MMEL1: variants seen among roughly 807,000 people sequenced by gnomAD.
MMEL1 encodes the protein membrane metalloendopeptidase like 1.
A neutral mutation model predicts 117.1 loss-of-function variants in MMEL1; 98 were observed. That is an observed-to-expected ratio of 0.84 (90% confidence interval 0.71 to 0.99). The LOEUF is 0.99. Among genes scored for constraint, MMEL1 ranks in the 50% least tolerant of loss-of-function variants. The pLI, the probability that MMEL1 is intolerant of heterozygous loss-of-function variation, is 0.00. For missense variants in MMEL1, 1,014 were observed against 1,049.1 expected, an observed-to-expected ratio of 0.97 and a Z score of 0.46; for synonymous variants, 390 against 415.1, an observed-to-expected ratio of 0.94 and a Z score of 0.74.
At chr1:2,622,185 T>C (rs3890745) in intron 2 of MMEL1, among the ~76,000 whole-genome samples, 61,263 of 152,100 alleles carry the variant, frequency 0.4, 13,178 homozygotes, top group African/African-American at 0.54. Flanking sequence ...GAGGGCCCAA[T>C]GTCTGGATTT....
chr1:2,604,406 A>G, intron 9 of MMEL1, 125 bp from the exon 10 acceptor site: 1 of 1,342,574 alleles, frequency 7.4e-7, no homozygotes, highest in East Asian at 2.4e-5. Context: ...ACCCACCTTG[A>G]CCAGCAGGCT....
chr1:2,629,405 C>A lies in MMEL1; in HGVS notation c.80G>T (p.Gly27Val), dbSNP rs1451564955. 8 of 1,546,524 alleles carry A rather than the reference C, an allele frequency of 5.2e-6. No individual in the cohort carries two copies. The South Asian group carries it at 8.3e-5, about 16-fold the overall frequency. The change falls in exon 2 of 24, where the codon GGG becomes GTG. Residue 27 changes from glycine (G) to valine (V), a missense_variant. By Grantham distance (109) the Gly-to-Val change is moderately radical. Transcript: ENST00000378412. ...CAGCAGCAGCAGCAGCAGCAGCCCC[C>A]CCTCCAGGAACCCCGGGCGCTTCTG... is the stretch of plus-strand genomic sequence containing the variant. Reference protein sequence around the residue: ...AGQKRPGFLEGGLLLLLLLVT... With the variant: ...AGQKRPGFLEVGLLLLLLLVT...
At chr1:2,611,057 G>A (rs938117587) in intron 4 of MMEL1, among the ~76,000 whole-genome samples, 4 of 152,260 alleles carry the variant, frequency 2.6e-5, no homozygotes, top group African/African-American at 9.6e-5. Flanking sequence ...TGTTGCTGCA[G>A]GGCCTGGCTG....
intron 22 of MMEL1, 63 bp downstream of exon 22, chr1:2,591,868 AG>A: frequency 6.7e-6 from 10 of 1,495,610 alleles, no homozygotes; most frequent in Non-Finnish European, 8.4e-6. Context: ...GGTGCCCCAG[AG>A]TGGGCCCTCC....
chr1:2,617,883 T>C lies in MMEL1; in HGVS notation c.155-5679A>G, dbSNP rs533014282. On this transcript the variant is annotated intron_variant, in intron 2 of 23. Coordinates refer to ENST00000378412, the MANE Select transcript of MMEL1 (RefSeq NM_033467.4). ...CTCTCCAAAAGGAGATTTTTCTTTT[T>C]CATAATTCCAAAAAGGGCAGCTTTC... Among the ~76,000 whole-genome samples, 6 of 152,356 alleles carry C rather than the reference T, an allele frequency of 3.9e-5. No homozygotes were observed. In the East Asian group the frequency reaches 1.2e-3, roughly 29 times the overall value.
intron 2 of MMEL1, among the ~76,000 whole-genome samples, chr1:2,625,321 C>A (rs1638228431): frequency 6.6e-6 from 1 of 152,234 alleles, no homozygotes; most frequent in African/African-American, 2.4e-5. Flanking sequence ...CACTCCTCAT[C>A]TGGGCGAGTT....
chr1:2,617,422 G>A (rs1309680806), intron 2 of MMEL1, among the ~76,000 whole-genome samples: 4 of 87,698 alleles, frequency 4.6e-5, no homozygotes, highest in South Asian at 4.3e-4. Flanking sequence ...GAGAGACTCC[G>A]TCTCAAAAAA....
chr1:2,592,199 AGGGACCCCTGAGCTGGGCCCTCGGGGG>A (rs1288482839), intron 21 of MMEL1, among the ~76,000 whole-genome samples, 172 bp from the exon 22 acceptor site: 1 of 136,434 alleles, frequency 7.3e-6, no homozygotes, highest in Non-Finnish European at 1.6e-5. Flanking sequence ...TCAGTCACTC[AGGGACCCCTGAGCTGGGCCCTCGGGGG>A]GGGATCCCTG....
Position 2,591,942 on chromosome 1 carries a change from T to C in MMEL1, c.2153A>G (p.Asn718Ser), listed in dbSNP as rs770203868. Residue 718 changes from asparagine to serine, a missense_variant, in exon 22 of 24, where the codon AAC becomes AGC. Transcript: ENST00000378412. ...DLTHEQLFFI[N>S]YAQVWCGSYR... Reference sequence around the variant, plus strand: ...GACTGCGGCTGCCACCTGGGCATAGTTGATGAAGAAGAGCTGCTCATGGGT... The same window carrying C: ...GACTGCGGCTGCCACCTGGGCATAGCTGATGAAGAAGAGCTGCTCATGGGT... The C allele has an allele frequency of 1.2e-5, 20 of 1,613,180 alleles. No individual in the cohort carries two copies. The highest frequency in any genetic ancestry group is 4.0e-5 in the African/African-American group (3 of 74,888).
intron 1 of MMEL1, among the ~76,000 whole-genome samples, chr1:2,631,898 C>T (rs1638605220): frequency 6.6e-6 from 1 of 152,220 alleles, no homozygotes; most frequent in African/African-American, 2.4e-5. Context: ...GGGTCTGTCT[C>T]ACCCACTGAT....
In MMEL1 at chr1:2,624,371, A is replaced by G. The variant is rs77374906; in HGVS notation, c.154+4960T>C. 6.7e-3 allele frequency among the ~76,000 whole-genome samples: 1,017 copies of G among 152,322 alleles called. 11 individuals are homozygous for G. The highest frequency in any genetic ancestry group is 0.023 in the African/African-American group (953 of 41,560). On this transcript the variant is annotated intron_variant, in intron 2 of 23. Coordinates refer to ENST00000378412, the MANE Select transcript of MMEL1 (RefSeq NM_033467.4). ...GAGGTGCACTGTGGGTAACAACAGC[A>G]GTAGAACCCCCAGCCAGCTAACTCC...
chr1:2,628,253 A>G lies in MMEL1; in HGVS notation c.154+1078T>C, dbSNP rs560539949. Reference sequence around the variant, plus strand: ...GAGGGCCAGGGGCTGCGGTCTGGGCAGCAGCCACACTGTACAGTGGCCAGC... The same window carrying G: ...GAGGGCCAGGGGCTGCGGTCTGGGCGGCAGCCACACTGTACAGTGGCCAGC... On this transcript the variant is annotated intron_variant, in intron 2 of 23. Coordinates refer to ENST00000378412, the MANE Select transcript of MMEL1 (RefSeq NM_033467.4). Among the ~76,000 whole-genome samples the G allele has an allele frequency of 6.0e-4, 91 of 152,312 alleles. No individual in the cohort carries two copies. The South Asian group carries it at 7.0e-3, about 12-fold the overall frequency.
At chr1:2,602,219 A>G (rs2100937613) in intron 11 of MMEL1, among the ~76,000 whole-genome samples, 2 of 56,684 alleles carry the variant, frequency 3.5e-5, no homozygotes, top group South Asian at 1.5e-3. Context: ...AGGCAGGCAC[A>G]GGGGCTAGGC....
At chr1:2,630,578 AGT>A (rs915600439) in intron 1 of MMEL1, among the ~76,000 whole-genome samples, 2 of 103,684 alleles carry the variant, frequency 1.9e-5, no homozygotes, top group African/African-American at 3.4e-5. Context: ...ACTGTGAGTG[AGT>A]GTGCACGTGT....
intron 11 of MMEL1, among the ~76,000 whole-genome samples, chr1:2,603,564 C>G (rs1437188984): frequency 6.6e-6 from 1 of 152,120 alleles, no homozygotes. Flanking sequence ...TGGGTGGGAC[C>G]CTGTACACCC....
intron 2 of MMEL1, among the ~76,000 whole-genome samples, chr1:2,622,336 T>C (rs1645302522): frequency 6.6e-6 from 1 of 152,180 alleles, no homozygotes; most frequent in South Asian, 2.1e-4. Flanking sequence ...GCGGCCTTGG[T>C]TGGACCTTGA....
At chr1:2,620,767 A>G (rs1036924164) in intron 2 of MMEL1, among the ~76,000 whole-genome samples, 1 of 72,934 alleles carries the variant, frequency 1.4e-5, no homozygotes, top group Non-Finnish European at 2.8e-5. Context: ...ATTTTTAAAC[A>G]ATAAAATAAT....
At chr1:2,631,686 G>A (rs1203759131) in intron 1 of MMEL1, among the ~76,000 whole-genome samples, 1 of 152,072 alleles carries the variant, frequency 6.6e-6, no homozygotes, top group Non-Finnish European at 1.5e-5. Flanking sequence ...ACCCTCAGAT[G>A]CTTCCTTTGA....
chr1:2,620,460 C>T (rs995129132), intron 2 of MMEL1, among the ~76,000 whole-genome samples: 4 of 152,158 alleles, frequency 2.6e-5, no homozygotes, highest in African/African-American at 9.7e-5. Context: ...GTCTCAAATG[C>T]GTGTGGGATT....
Sources: gnomAD v4.1 joint callset for allele counts (sites outside exome capture counted in the v4.1 genomes callset) on GRCh38, gnomAD v4.1.1 for gene constraint, MANE v1.5 for transcripts, NCBI Gene and HGNC (gene_info 2026-07-23, HGNC 2026-07-21) for gene names.